Variants in SNX9 observed in about 807,000 individuals in gnomAD.
SNX9 encodes sorting nexin 9.
In SNX9, 44 loss-of-function variants were observed where a neutral mutation model predicts 89.4. The observed-to-expected ratio is 0.49, with a 90% CI of 0.39 to 0.63. The LOEUF is 0.63. SNX9 is among the 30% of genes least tolerant of loss of function. The pLI, the probability that SNX9 is intolerant of heterozygous loss-of-function variation, is 0.00. For missense variants in SNX9, 578 were observed against 736.1 expected, an observed-to-expected ratio of 0.79 and a Z score of 2.49; for synonymous variants, 236 against 247.8, an observed-to-expected ratio of 0.95 and a Z score of 0.45.
At chr6:157,928,726 C>G in intron 12 of SNX9, 24 bp downstream of exon 12, 1 of 1,540,138 alleles carries the variant, frequency 6.5e-7, no homozygotes, top group Non-Finnish European at 8.8e-7. Flanking sequence ...TCACAGTGCA[C>G]TGGGCTCGTA....
At position 157,875,061 on chromosome 6, in the gene SNX9, G is replaced by C; in HGVS notation, c.185G>C (p.Ser62Thr). The part of the protein sequence containing the change: ...VPTDYVEILP[S>T]DGKDQFSCGN... ...CTTTCTCCTATTCAGATTTTACCCAGTGATGGAAAAGATCAATTTTCTTGT... is the reference window on the plus strand; with the variant it reads ...CTTTCTCCTATTCAGATTTTACCCACTGATGGAAAAGATCAATTTTCTTGT... Residue 62 changes from serine to threonine, a missense_variant, in exon 4 of 18, where the codon AGT (serine) becomes ACT (threonine). Coordinates refer to ENST00000392185, the MANE Select transcript of SNX9 (RefSeq NM_016224.5). 6.2e-7 allele frequency: 1 copy of C among 1,613,872 alleles called. No homozygotes were observed. Among genetic ancestry groups the C allele is most frequent in the South Asian group, 1.1e-5 (1 of 90,986 alleles).
chr6:157,926,555 G>A (rs189919361), intron 10 of SNX9, among the ~76,000 whole-genome samples: 3 of 152,164 alleles, frequency 2.0e-5, no homozygotes, highest in Admixed American at 2.0e-4. Flanking sequence ...GCTGAGGTGG[G>A]CAGATTGCTT....
intron 4 of SNX9, among the ~76,000 whole-genome samples, chr6:157,883,523 G>A (rs895874119): frequency 2.6e-5 from 4 of 152,208 alleles, no homozygotes; most frequent in Non-Finnish European, 5.9e-5. Context: ...TAGGGAAACT[G>A]TAGAAGAAAT....
At chr6:157,879,646 C>T (rs546183337) in intron 4 of SNX9, among the ~76,000 whole-genome samples, 25 of 152,184 alleles carry the variant, frequency 1.6e-4, no homozygotes, top group Non-Finnish European at 3.4e-4. Flanking sequence ...GAGTATTTCA[C>T]GTTAGTGGCT....
At chr6:157,906,656 G>C (rs937341761) in intron 7 of SNX9, among the ~76,000 whole-genome samples, 8 of 152,196 alleles carry the variant, frequency 5.3e-5, no homozygotes, top group Non-Finnish European at 1.0e-4. Flanking sequence ...TAAACCAGCT[G>C]TCAAATTGAG....
At chr6:157,856,015 C>T (rs1359678149) in intron 1 of SNX9, among the ~76,000 whole-genome samples, 1 of 152,198 alleles carries the variant, frequency 6.6e-6, no homozygotes, top group Non-Finnish European at 1.5e-5. Flanking sequence ...TCCCAGAGTG[C>T]TGGGATTACA....
chr6:157,931,324 C>T (rs1284005182), intron 12 of SNX9, among the ~76,000 whole-genome samples: 1 of 152,210 alleles, frequency 6.6e-6, no homozygotes, highest in Non-Finnish European at 1.5e-5. Context: ...GCTTATAGAC[C>T]TTACCTCAAA....
rs1244868371 is a variant in SNX9, at chr6:157,906,181, T to C, written c.674T>C (p.Leu225Pro). The C allele has an allele frequency of 3.1e-6, 5 of 1,592,938 alleles. No individual in the cohort carries two copies. The highest frequency in any genetic ancestry group is 4.3e-6 in the Non-Finnish European group (5 of 1,174,760). The change falls in exon 7 of 18, where the codon CTA (leucine) becomes CCA (proline). Residue 225 changes from leucine to proline, a missense_variant. Transcript: ENST00000392185. The part of the protein sequence containing the change: ...GTEQYLLAKQ[L>P]AKPKEKIPII... ...GAACAGTATTTGTTGGCCAAACAAC[T>C]AGCAAAACCCAAAGAGAAAATTCCC...
intron 1 of SNX9, among the ~76,000 whole-genome samples, chr6:157,828,211 G>GTGTT (rs3840362): frequency 0.29 from 43,928 of 151,902 alleles, 7,416 homozygotes; most frequent in African/African-American, 0.48. Context: ...CTTAAGTAGA[G>GTGTT]TGTGCAGTAT....
chr6:157,863,681 C>T (rs958181024), intron 1 of SNX9, among the ~76,000 whole-genome samples: 4 of 152,120 alleles, frequency 2.6e-5, no homozygotes, highest in African/African-American at 9.7e-5. Flanking sequence ...GAGGCCAGCA[C>T]CTCTGTCTGT....
Position 157,823,402 on chromosome 6 carries a change from G to GCCGGCCGTCCCGGGCCGGGGGAC in SNX9, c.-29_-7dup, listed in dbSNP as rs1781274152. On this transcript the variant is annotated 5_prime_UTR_variant, in exon 1 of 18. Transcript: ENST00000392185. This position sits in a 1 kb window ranked among gnomAD's most constrained non-coding sequence, Gnocchi z 4.6. ...TCACCATCCGCGGCGCGGGAGACGA[G>GCCGGCCGTCCCGGGCCGGGGGAC]CCGGCCGTCCCGGGCCGGGGGACCC... The GCCGGCCGTCCCGGGCCGGGGGAC allele has an allele frequency of 7.9e-7, 1 of 1,272,170 alleles. No individual in the cohort carries two copies. The highest frequency in any genetic ancestry group is 2.0e-5 in the South Asian group (1 of 49,734). 78.8% of individuals were successfully genotyped at this position (1,272,170 alleles called of 1,614,324 possible).
At chr6:157,845,818 T>C (rs3805764) in intron 1 of SNX9, among the ~76,000 whole-genome samples, 19,163 of 152,222 alleles carry the variant, frequency 0.13, 1,959 homozygotes, top group African/African-American at 0.28. Context: ...TCTTGTGAAC[T>C]GAATATTGGA....
At chr6:157,865,338 A>AG (rs1220907380) in intron 1 of SNX9, among the ~76,000 whole-genome samples, 6 of 134,780 alleles carry the variant, frequency 4.5e-5, no homozygotes, top group African/African-American at 1.8e-4. Flanking sequence ...AAACAGTCTC[A>AG]GGAAAAAAAA....
At chr6:157,887,911 G>C (rs1782770710) in intron 4 of SNX9, among the ~76,000 whole-genome samples, 1 of 152,192 alleles carries the variant, frequency 6.6e-6, no homozygotes, top group Admixed American at 6.5e-5. Flanking sequence ...TTGAAGCCTG[G>C]AAGCTGGGCT....
rs753081993 is a variant in SNX9, at chr6:157,901,969, G to C, written c.544G>C (p.Glu182Gln). Reference sequence around the variant, plus strand: ...ATCCTCTTCCTACTTTAAGGATTCAGAGTCAGCTGATGCAGGCGGCGCTCA... The same window carrying C: ...ATCCTCTTCCTACTTTAAGGATTCACAGTCAGCTGATGCAGGCGGCGCTCA... ...PKSSSYFKDSESADAGGAQRG... is the reference protein window; with the variant it reads ...PKSSSYFKDSQSADAGGAQRG... Residue 182 changes from glutamate (E) to glutamine (Q), a missense_variant, in exon 6 of 18, where the codon GAG (glutamate) becomes CAG (glutamine). By Grantham distance (29) the Glu-to-Gln change is conservative (BLOSUM62 2). Around this residue, in one of 2 missense-constraint regions of SNX9, gnomAD observed 230 missense variants for 244.7 expected, o/e 0.94. Coordinates refer to ENST00000392185, the MANE Select transcript of SNX9 (RefSeq NM_016224.5). 1.2e-6 allele frequency: 2 copies of C among 1,613,660 alleles called. No homozygotes were observed. The highest frequency in any genetic ancestry group is 1.7e-6 in the Non-Finnish European group (2 of 1,179,954).
At position 157,875,063 on chromosome 6, in the gene SNX9, G is replaced by A. The variant is rs749995079; in HGVS notation, c.187G>A (p.Asp63Asn). The change falls in exon 4 of 18, where the codon GAT (aspartate) becomes AAT (asparagine). Residue 63 changes from aspartate to asparagine, a missense_variant. This residue lies in a region of SNX9 where 230 missense variants were observed against 244.7 expected (regional missense o/e 0.94). Coordinates refer to ENST00000392185, the MANE Select transcript of SNX9 (RefSeq NM_016224.5). ...PTDYVEILPS[D>N]GKDQFSCGNS... ...TTCTCCTATTCAGATTTTACCCAGTGATGGAAAAGATCAATTTTCTTGTGG... is the reference window on the plus strand; with the variant it reads ...TTCTCCTATTCAGATTTTACCCAGTAATGGAAAAGATCAATTTTCTTGTGG... 1.2e-6 allele frequency: 2 copies of A among 1,613,858 alleles called. No individual in the cohort carries two copies. Among genetic ancestry groups the A allele is most frequent in the East Asian group, 2.2e-5 (1 of 44,862 alleles).
At chr6:157,933,815 G>T (rs1583246550) in intron 13 of SNX9, among the ~76,000 whole-genome samples, 1 of 152,206 alleles carries the variant, frequency 6.6e-6, no homozygotes, top group South Asian at 2.1e-4. Context: ...TCCCCACTGG[G>T]AGCTGCTTCG....
At chr6:157,929,325 G>A (rs955229264) in intron 12 of SNX9, among the ~76,000 whole-genome samples, 2 of 152,184 alleles carry the variant, frequency 1.3e-5, no homozygotes, top group African/African-American at 2.4e-5. Context: ...AAATAGTCCC[G>A]TATCCAGCTG....
chr6:157,892,144 G>A (rs1383872272), intron 4 of SNX9, among the ~76,000 whole-genome samples: 1 of 152,144 alleles, frequency 6.6e-6, no homozygotes, highest in Non-Finnish European at 1.5e-5. Context: ...AGGACAGAGA[G>A]GCGCCACAGG....
Sources: gnomAD v4.1 joint callset for allele counts (sites outside exome capture counted in the v4.1 genomes callset) on GRCh38, gnomAD v4.1.1 for gene constraint, gnomAD v4.1.1 regional missense constraint, Gnocchi (gnomAD v3.1) non-coding constraint, MANE v1.5 for transcripts, NCBI Gene and HGNC (gene_info 2026-07-23, HGNC 2026-07-21) for gene names.